Variants in CEP112 observed in about 807,000 individuals in gnomAD.
CEP112 encodes centrosomal protein 112.
CEP112 carries 127 observed loss-of-function variants against 153.0 expected under a neutral mutation model. The observed-to-expected ratio is 0.83, with a 90% CI of 0.72 to 0.96. CEP112 has a LOEUF of 0.96. CEP112 is among the 40% of genes least tolerant of loss of function. CEP112 has a pLI of 0.00. For missense variants in CEP112, 1,089 were observed against 1,101.2 expected (o/e 0.99, Z 0.16); for synonymous variants, 358 against 374.4 (o/e 0.96, Z 0.51).
At chr17:66,089,075 A>G (rs1829525730) in intron 8 of CEP112, among the ~76,000 whole-genome samples, 1 of 151,872 alleles carries the variant, frequency 6.6e-6, no homozygotes, top group Non-Finnish European at 1.5e-5. Flanking sequence ...AAGCTCAAAC[A>G]TGAGGACCAA....
intron 19 of CEP112, among the ~76,000 whole-genome samples, 197 bp from the exon 20 acceptor site, chr17:65,902,531 C>T (rs1339884242): frequency 1.3e-5 from 2 of 152,002 alleles, no homozygotes; most frequent in East Asian, 1.9e-4. Flanking sequence ...AATAGTTGGG[C>T]ATATTCAGTA....
chr17:65,999,593 G>C (rs1719680131), intron 17 of CEP112, among the ~76,000 whole-genome samples: 1 of 150,450 alleles, frequency 6.6e-6, no homozygotes. Context: ...TTTTAAGTCT[G>C]GGGTACATGT....
intron 21 of CEP112, among the ~76,000 whole-genome samples, chr17:65,783,467 C>T (rs1391158770): frequency 6.6e-6 from 1 of 152,184 alleles, no homozygotes; most frequent in Non-Finnish European, 1.5e-5. Flanking sequence ...AAAACAGGTA[C>T]TCAAACAAAT....
chr17:65,749,178 CTT>C (rs1250789170), intron 22 of CEP112, among the ~76,000 whole-genome samples: 3 of 152,096 alleles, frequency 2.0e-5, no homozygotes, highest in Non-Finnish European at 1.5e-5. Flanking sequence ...TGGACAAAGA[CTT>C]TTTGCTTTTC....
chr17:65,742,504 T>G (rs960800501), intron 23 of CEP112, among the ~76,000 whole-genome samples: 1 of 152,162 alleles, frequency 6.6e-6, no homozygotes, highest in Non-Finnish European at 1.5e-5. Context: ...ACTGAAAGAA[T>G]CGGGGTCCAG....
intron 24 of CEP112, among the ~76,000 whole-genome samples, chr17:65,659,805 A>G (rs2046253495): frequency 6.6e-6 from 1 of 152,244 alleles, no homozygotes; most frequent in Non-Finnish European, 1.5e-5. Flanking sequence ...TAACTGACAT[A>G]TAATAGGCCA....
At chr17:65,929,305 C>T (rs1237536219) in intron 18 of CEP112, among the ~76,000 whole-genome samples, 1 of 152,128 alleles carries the variant, frequency 6.6e-6, no homozygotes, top group African/African-American at 2.4e-5. Flanking sequence ...TCCCAGTGAC[C>T]TCTCACAGCT....
chr17:65,748,688 G>C (rs1425107400), intron 22 of CEP112, among the ~76,000 whole-genome samples: 3 of 152,180 alleles, frequency 2.0e-5, no homozygotes, highest in Non-Finnish European at 4.4e-5. Flanking sequence ...GACAAATGAG[G>C]AAATTGAATT....
intron 24 of CEP112, chr17:65,688,172 T>G (rs929295486): frequency 1.6e-4 from 25 of 152,238 alleles, no homozygotes; most frequent in African/African-American, 5.5e-4. Flanking sequence ...TGGGTTATAT[T>G]ACATTATTTT....
rs772709333 is a variant in CEP112 at position 66,029,218 on chromosome 17, C to T, written c.1408G>A (p.Val470Ile). Reference sequence around the variant, plus strand: ...TTCATGTTTTGCTCATAATCATTTACAAGATGGTCCTTCTCTTTATGCAGT... The same window carrying T: ...TTCATGTTTTGCTCATAATCATTTATAAGATGGTCCTTCTCTTTATGCAGT... Reference protein sequence around the residue: ...NTLHKEKDHLVNDYEQNMKLL... With the variant: ...NTLHKEKDHLINDYEQNMKLL... Residue 470 changes from valine (V) to isoleucine (I), a missense_variant, in exon 14 of 27, where the codon GTA becomes ATA. Val to Ile is a conservative substitution (Grantham distance 29, BLOSUM62 3). Transcript: ENST00000535342. The T allele has an allele frequency of 5.6e-6, 9 of 1,611,326 alleles. No individual in the cohort carries two copies. In the African/African-American group the frequency reaches 1.2e-4, roughly 22 times the overall value.
At chr17:65,810,994 G>T (rs2145907559) in intron 21 of CEP112, among the ~76,000 whole-genome samples, 1 of 152,316 alleles carries the variant, frequency 6.6e-6, no homozygotes, top group East Asian at 1.9e-4. Flanking sequence ...CATCATCTCA[G>T]AACAGAAATG....
intron 23 of CEP112, among the ~76,000 whole-genome samples, chr17:65,726,796 T>G (rs2050208698): frequency 6.6e-6 from 1 of 152,156 alleles, no homozygotes; most frequent in Non-Finnish European, 1.5e-5. Context: ...CAGGACATCT[T>G]TTTATGTATA....
intron 13 of CEP112, 24 bp from the exon 14 acceptor site, chr17:66,029,276 A>G (rs1285606934): frequency 6.3e-7 from 1 of 1,594,566 alleles, no homozygotes; most frequent in South Asian, 1.1e-5. Context: ...AATAAAATAG[A>G]CTTTCAATGT....
At chr17:66,171,913 T>A (rs561588610) in intron 4 of CEP112, among the ~76,000 whole-genome samples, 1 of 152,332 alleles carries the variant, frequency 6.6e-6, no homozygotes, top group African/African-American at 2.4e-5. Context: ...TTCATTGTCA[T>A]TCCTCACAGT....
chr17:66,027,447 T>C (rs1282813335), intron 16 of CEP112, 54 bp downstream of exon 16: 6 of 1,296,150 alleles, frequency 4.6e-6, no homozygotes, highest in South Asian at 1.4e-5. Flanking sequence ...TCAGTCTGCA[T>C]TAATGCCTCA....
chr17:65,646,868 C>T (rs1055999262), intron 24 of CEP112, among the ~76,000 whole-genome samples: 4 of 152,166 alleles, frequency 2.6e-5, no homozygotes, highest in East Asian at 1.9e-4. Context: ...ATCTAGTCAG[C>T]GATCTTTTTA....
Position 65,962,273 on chromosome 17 carries a change from G to GT in CEP112, c.1737-676dup, listed in dbSNP as rs137988958. 3.7e-4 allele frequency among the ~76,000 whole-genome samples: 55 copies of GT among 149,738 alleles called. 1 individual carries two copies. The Middle Eastern group carries it at 0.017, about 47-fold the overall frequency. On this transcript the variant is annotated intron_variant, in intron 17 of 26. Coordinates refer to ENST00000535342, the MANE Select transcript of CEP112 (RefSeq NM_001199165.4). ...TTATGGTATGTGAATTATATCTCATGTTTTTTTTTTAAAACAATGTACAAA... is the reference window on the plus strand; with the variant it reads ...TTATGGTATGTGAATTATATCTCATGTTTTTTTTTTTAAAACAATGTACAAA...
At chr17:65,769,140 T>C (rs1490573135) in intron 21 of CEP112, among the ~76,000 whole-genome samples, 1 of 151,758 alleles carries the variant, frequency 6.6e-6, no homozygotes, top group Non-Finnish European at 1.5e-5. Flanking sequence ...TACACAACAA[T>C]GTAGCCAAAA....
intron 4 of CEP112, among the ~76,000 whole-genome samples, chr17:66,166,366 T>C (rs1287816330): frequency 6.6e-6 from 1 of 152,166 alleles, no homozygotes; most frequent in African/African-American, 2.4e-5. Flanking sequence ...GTAAAAATAA[T>C]AAGTGCTATT....
Sources: allele counts gnomAD v4.1 joint callset (sites outside exome capture counted in the v4.1 genomes callset), GRCh38; gene constraint gnomAD v4.1.1; transcripts MANE v1.5; gene names NCBI Gene and HGNC (gene_info 2026-07-23, HGNC 2026-07-21).